RBM28: variants seen among roughly 807,000 people sequenced by gnomAD.
RBM28 encodes RNA-binding protein 28.
RBM28 carries 78 observed loss-of-function variants against 98.3 expected under a neutral mutation model. The observed-to-expected ratio is 0.79, with a 90% confidence interval of 0.66 to 0.96. The LOEUF (loss-of-function observed/expected upper bound fraction) is 0.96, where lower values mean the gene tolerates loss of function less well. Among genes scored for constraint, RBM28 ranks in the 40% least tolerant of loss-of-function variants. RBM28 has a pLI of 0.00. For missense variants in RBM28, 838 were observed against 913.0 expected (o/e 0.92, Z 1.06); for synonymous variants, 306 against 330.9 (o/e 0.92, Z 0.82).
chr7:128,337,124 A>G lies in RBM28; in HGVS notation c.613+7T>C, dbSNP rs758077401. ...GCCCCTACTCACCCAACACTACCAC[A>G]TCTTACCTATAGCAGAAACAGACTG... On this transcript the variant is annotated splice_region_variant and intron_variant, in intron 6 of 18. Coordinates refer to ENST00000223073, the MANE Select transcript of RBM28 (RefSeq NM_018077.3). 4 of 1,613,746 alleles carry G rather than the reference A, an allele frequency of 2.5e-6. No homozygotes were observed. In the South Asian group the frequency reaches 3.3e-5, roughly 13 times the overall value.
intron 13 of RBM28, among the ~76,000 whole-genome samples, chr7:128,322,199 C>T (rs1796251400): frequency 6.6e-6 from 1 of 152,180 alleles, no homozygotes; most frequent in South Asian, 2.1e-4. Context: ...TCAAAGAATA[C>T]TTGACAGAAT....
intron 14 of RBM28, among the ~76,000 whole-genome samples, chr7:128,320,015 C>A (rs963875027): frequency 6.6e-6 from 1 of 151,922 alleles, no homozygotes; most frequent in Non-Finnish European, 1.5e-5. Flanking sequence ...GTCAAGAGAT[C>A]GAGACCATCT....
In RBM28 at chr7:128,300,551, T is replaced by G. The variant is rs1266182756; in HGVS notation, c.*10246A>C. The G allele has an allele frequency of 6.6e-6, 1 of 152,268 alleles. No individual in the cohort carries two copies. Among genetic ancestry groups the G allele is most frequent in the African/African-American group, 2.4e-5 (1 of 41,458 alleles). 9.4% of individuals were successfully genotyped at this position (152,268 alleles called of 1,614,324 possible). Reference sequence around the variant, plus strand: ...TTTTCTGATCCTTCAATGAGCATGCTAACATCATCCAACCCCTGACCTTGT... The same window carrying G: ...TTTTCTGATCCTTCAATGAGCATGCGAACATCATCCAACCCCTGACCTTGT... On this transcript the variant is annotated 3_prime_UTR_variant, in exon 19 of 19. Transcript: ENST00000223073.
chr7:128,340,984 C>G (rs924392853), intron 1 of RBM28: 8 of 392,150 alleles, frequency 2.0e-5, no homozygotes, highest in Non-Finnish European at 3.7e-5. Context: ...AATATTAGGA[C>G]CAAGGAGATG....
intron 1 of RBM28, among the ~76,000 whole-genome samples, chr7:128,341,800 C>A (rs1309055120): frequency 6.6e-6 from 1 of 152,202 alleles, no homozygotes; most frequent in Non-Finnish European, 1.5e-5. Context: ...TACATATATT[C>A]TTTATTTAAA....
rs1459452575 is a variant in RBM28, at chr7:128,308,870, G to A, written c.*1927C>T. 1.3e-5 allele frequency: 2 copies of A among 150,628 alleles called. No homozygotes were observed. Among genetic ancestry groups the A allele is most frequent in the South Asian group, 2.1e-4 (1 of 4,782 alleles). The allele number at this position is 150,628 out of a possible 1,614,324, so 9.3% of individuals were successfully genotyped here. A position where few individuals can be genotyped will look rare whatever the true frequency, so the allele number is the denominator to read the frequency against. On this transcript the variant is annotated 3_prime_UTR_variant, in exon 19 of 19. Transcript: ENST00000223073. ...GCAGCACCTGTAATCCCCGCTACTC[G>A]GGAGGCTGAGGCAGGAGAATCGCTT...
At chr7:128,335,788 CCT>C in intron 7 of RBM28, 57 bp downstream of exon 7, 1 of 1,613,742 alleles carries the variant, frequency 6.2e-7, no homozygotes, top group Non-Finnish European at 8.5e-7. Flanking sequence ...GAGAATTTTT[CCT>C]CTCGGAGACA....
intron 13 of RBM28, among the ~76,000 whole-genome samples, chr7:128,321,825 A>G (rs77083233): frequency 0.082 from 12,559 of 152,242 alleles, 654 homozygotes; most frequent in African/African-American, 0.14. Flanking sequence ...GGGCAGGCAG[A>G]TCACCCGAGG....
intron 10 of RBM28, 109 bp downstream of exon 10, chr7:128,330,706 CTGGA>C: frequency 1.2e-6 from 1 of 815,056 alleles, no homozygotes; most frequent in East Asian, 2.5e-5. Flanking sequence ...GAAACCTGGG[CTGGA>C]TGGACTGTGA....
rs372162234 is a variant in RBM28, at chr7:128,337,139, G to A, written c.605C>T (p.Ser202Phe). ...KDKYKDTQSV[S>F]AIGEEKSHES... ...ACACTACCACATCTTACCTATAGCA[G>A]AAACAGACTGTGTATCTTTATATTT... is the stretch of plus-strand genomic sequence containing the variant. Residue 202 changes from serine to phenylalanine, a missense_variant, in exon 6 of 19, where the codon TCT becomes TTT. Physicochemically the swap from Ser to Phe is radical, Grantham distance 155. Transcript: ENST00000223073. 8.7e-6 allele frequency: 14 copies of A among 1,614,042 alleles called. No homozygotes were observed. In the African/African-American group the frequency reaches 1.5e-4, roughly 17 times the overall value.
At chr7:128,340,371 G>A (rs1415883963) in intron 1 of RBM28, among the ~76,000 whole-genome samples, 1 of 152,092 alleles carries the variant, frequency 6.6e-6, no homozygotes, top group African/African-American at 2.4e-5. Context: ...AGAAGAGGAA[G>A]AGAGACCTGA....
At chr7:128,332,973 TC>T (rs1796512942) in intron 9 of RBM28, among the ~76,000 whole-genome samples, 1 of 152,208 alleles carries the variant, frequency 6.6e-6, no homozygotes, top group Non-Finnish European at 1.5e-5. Flanking sequence ...GTGTCAATCC[TC>T]TCCAGCACTC....
intron 12 of RBM28, among the ~76,000 whole-genome samples, chr7:128,324,277 G>A (rs756020405): frequency 2.6e-5 from 4 of 152,112 alleles, no homozygotes; most frequent in Non-Finnish European, 5.9e-5. Flanking sequence ...AAGAAGCAAA[G>A]GTATTTTGAG....
intron 14 of RBM28, among the ~76,000 whole-genome samples, chr7:128,320,158 G>A (rs1451366193): frequency 6.9e-6 from 1 of 145,372 alleles, no homozygotes; most frequent in African/African-American, 2.6e-5. Context: ...CGGAGGTTGC[G>A]TTGAGCCGAG....
Position 128,338,771 on chromosome 7 carries a change from C to T in RBM28, c.403G>A (p.Ala135Thr). ...ACTTCCAGGACAGCTCCAAATTGAG[C>T]AAATACTGTCTTCAAGTCATCTTCT... ...CSEDDLKTVF[A>T]QFGAVLEVNI... Residue 135 changes from alanine (A) to threonine (T), a missense_variant, in exon 4 of 19, where the codon GCT becomes ACT. Coordinates refer to ENST00000223073, the MANE Select transcript of RBM28 (RefSeq NM_018077.3). 6.2e-7 allele frequency: 1 copy of T among 1,611,774 alleles called. No homozygotes were observed. Among genetic ancestry groups the T allele is most frequent in the Non-Finnish European group, 8.5e-7 (1 of 1,177,978 alleles).
In RBM28 at chr7:128,310,938, A is replaced by T; in HGVS notation, c.2146-7T>A. Reference sequence around the variant, plus strand: ...TAGCTTTTTTCCTAGATACCTACAAATGAAAGGATTAGAAACATAATATAA... The same window carrying T: ...TAGCTTTTTTCCTAGATACCTACAATTGAAAGGATTAGAAACATAATATAA... On this transcript the variant is annotated splice_polypyrimidine_tract_variant and splice_region_variant and intron_variant, in intron 18 of 18. Coordinates refer to ENST00000223073, the MANE Select transcript of RBM28 (RefSeq NM_018077.3). The T allele has an allele frequency of 6.2e-7, 1 of 1,610,796 alleles. No homozygotes were observed. Among genetic ancestry groups the T allele is most frequent in the Non-Finnish European group, 8.5e-7 (1 of 1,176,924 alleles).
intron 1 of RBM28, among the ~76,000 whole-genome samples, chr7:128,343,091 T>C (rs749486968): frequency 2.8e-4 from 42 of 152,200 alleles, no homozygotes; most frequent in Middle Eastern, 3.2e-3. Flanking sequence ...ATCAAAGATT[T>C]TTTTGGTTTG....
chr7:128,310,536 G>T lies in RBM28; in HGVS notation c.*261C>A. ...AGAATAAAAATTGGTAATAATTATA[G>T]ACACAACTTCATACAATAATCTGGA... On this transcript the variant is annotated 3_prime_UTR_variant, in exon 19 of 19. Transcript: ENST00000223073. The T allele has an allele frequency of 2.0e-6, 1 of 495,800 alleles. No individual in the cohort carries two copies. The allele number at this position is 495,800 out of a possible 1,614,324, so 30.7% of individuals were successfully genotyped here. A position where few individuals can be genotyped will look rare whatever the true frequency, so the allele number is the denominator to read the frequency against.
In RBM28 at chr7:128,298,044, G is replaced by A. The variant is rs1361249696; in HGVS notation, c.*12753C>T. On this transcript the variant is annotated 3_prime_UTR_variant, in exon 19 of 19. Coordinates refer to ENST00000223073, the MANE Select transcript of RBM28 (RefSeq NM_018077.3). Reference sequence around the variant, plus strand: ...GGAGATATACCTAATGCTAGATGACGAGTTAGTGGGTGCAGCGACCAGCAT... The same window carrying A: ...GGAGATATACCTAATGCTAGATGACAAGTTAGTGGGTGCAGCGACCAGCAT... 2.0e-4 allele frequency: 7 copies of A among 35,438 alleles called. No individual in the cohort carries two copies. The highest frequency in any genetic ancestry group is 2.6e-4 in the African/African-American group (7 of 26,530). 2.2% of individuals were successfully genotyped at this position (35,438 alleles called of 1,614,324 possible).
Sources: allele counts gnomAD v4.1 joint callset (sites outside exome capture counted in the v4.1 genomes callset), GRCh38; gene constraint gnomAD v4.1.1; transcripts MANE v1.5; gene names NCBI Gene and HGNC (gene_info 2026-07-23, HGNC 2026-07-21).